The following AGBL4 variants were observed in gnomAD, a reference collection of about 807,000 sequenced individuals.
The protein encoded by AGBL4 is cytosolic carboxypeptidase 6.
Under a neutral mutation model 66.4 loss-of-function variants are expected in AGBL4, and 58 were observed. The observed-to-expected ratio is 0.87, with a 90% confidence interval of 0.71 to 1.09. AGBL4 has a LOEUF of 1.09. AGBL4 is among the 50% of genes least tolerant of loss of function. The probability of loss-of-function intolerance (pLI) is 0.00; values close to 1 mark genes in which losing one functional copy is unlikely to be tolerated. For missense variants in AGBL4, 579 were observed against 631.0 expected, an observed-to-expected ratio of 0.92 and a Z score of 0.88; for synonymous variants, 234 against 222.9, an observed-to-expected ratio of 1.05 and a Z score of -0.44.
chr1:49,934,469 C>A (rs1653715339), intron 1 of AGBL4, among the ~76,000 whole-genome samples: 1 of 152,084 alleles, frequency 6.6e-6, no homozygotes, highest in Non-Finnish European at 1.5e-5. Flanking sequence ...CTATATACCA[C>A]AACTGGTATA....
intron 4 of AGBL4, among the ~76,000 whole-genome samples, chr1:49,157,693 A>G (rs935109001): frequency 6.6e-6 from 1 of 152,210 alleles, no homozygotes; most frequent in Non-Finnish European, 1.5e-5. Flanking sequence ...TTAAATTCCC[A>G]CCAACAGTGT....
chr1:48,733,883 C>T (rs1648570686), intron 6 of AGBL4, among the ~76,000 whole-genome samples: 1 of 152,150 alleles, frequency 6.6e-6, no homozygotes, highest in African/African-American at 2.4e-5. Flanking sequence ...AATGAGGCCA[C>T]AGAGATGAAT....
chr1:49,960,858 T>C (rs1291576889), intron 1 of AGBL4, among the ~76,000 whole-genome samples: 1 of 152,096 alleles, frequency 6.6e-6, no homozygotes, highest in Non-Finnish European at 1.5e-5. Flanking sequence ...TGTGTTGCAG[T>C]ACAGAAATCT....
At chr1:49,578,331 C>G (rs1171834813) in intron 3 of AGBL4, among the ~76,000 whole-genome samples, 1 of 152,168 alleles carries the variant, frequency 6.6e-6, no homozygotes, top group Non-Finnish European at 1.5e-5. Flanking sequence ...CAATGGCAAA[C>G]TACAACAGCC....
intron 5 of AGBL4, among the ~76,000 whole-genome samples, chr1:48,970,446 T>C (rs573930160): frequency 2.6e-5 from 4 of 152,312 alleles, no homozygotes; most frequent in African/African-American, 7.2e-5. Flanking sequence ...ATGCATTTAC[T>C]GCAAATTAGT....
At chr1:48,594,516 T>A (rs1466582872) in intron 9 of AGBL4, among the ~76,000 whole-genome samples, 2 of 152,216 alleles carry the variant, frequency 1.3e-5, no homozygotes, top group Non-Finnish European at 2.9e-5. Flanking sequence ...TTGTCATTTG[T>A]CTTTCTATTT....
At chr1:49,033,299 G>A (rs1002796071) in intron 5 of AGBL4, among the ~76,000 whole-genome samples, 3 of 152,040 alleles carry the variant, frequency 2.0e-5, no homozygotes, top group African/African-American at 4.8e-5. Context: ...GGGAGCCCAC[G>A]GAACTCTACT....
chr1:48,567,084 G>C (rs1644489354), intron 11 of AGBL4, among the ~76,000 whole-genome samples: 1 of 152,160 alleles, frequency 6.6e-6, no homozygotes, highest in Non-Finnish European at 1.5e-5. Flanking sequence ...GCCACTTACT[G>C]TCTGTTTACC....
chr1:48,572,690 G>C (rs143428184), intron 11 of AGBL4, among the ~76,000 whole-genome samples: 4 of 152,204 alleles, frequency 2.6e-5, no homozygotes, highest in Middle Eastern at 3.4e-3. Context: ...AGAACTGAAG[G>C]GGGGGTGCGT....
At chr1:49,552,710 C>T (rs947905744) in intron 3 of AGBL4, among the ~76,000 whole-genome samples, 1 of 152,174 alleles carries the variant, frequency 6.6e-6, no homozygotes, top group Non-Finnish European at 1.5e-5. Flanking sequence ...TGTGAATCCT[C>T]TTGGGATTGC....
intron 3 of AGBL4, among the ~76,000 whole-genome samples, chr1:49,354,028 T>A (rs913222939): frequency 2.0e-5 from 3 of 152,206 alleles, no homozygotes; most frequent in Non-Finnish European, 2.9e-5. Context: ...GGGCAGGGTG[T>A]AAAAGGCTGT....
At chr1:49,926,361 C>T (rs775674454) in intron 1 of AGBL4, among the ~76,000 whole-genome samples, 13 of 152,026 alleles carry the variant, frequency 8.6e-5, no homozygotes, top group Non-Finnish European at 1.3e-4. Context: ...CTGCAGTGAC[C>T]GAAAACTTAG....
At chr1:48,696,104 G>A (rs1646710214) in intron 6 of AGBL4, among the ~76,000 whole-genome samples, 1 of 152,130 alleles carries the variant, frequency 6.6e-6, no homozygotes. Flanking sequence ...TCTGTCCCAG[G>A]ACAGCTGGGA....
rs570352863 is a variant in AGBL4, at chr1:48,620,091, G to T, written c.951+14402C>A. Among the ~76,000 whole-genome samples, 4 of 152,128 alleles carry T rather than the reference G, an allele frequency of 2.6e-5. No homozygotes were observed. In the South Asian group the frequency reaches 8.3e-4, roughly 31 times the overall value. On this transcript the variant is annotated intron_variant, in intron 9 of 13. Transcript: ENST00000371839. The stretch of plus-strand genomic sequence containing the variant: ...CCGTAAAATCCACTCGGAATGAATT[G>T]AAACCGACAAATGCAGGAAACCCTA...
At chr1:48,675,556 T>C (rs1646351640) in intron 6 of AGBL4, among the ~76,000 whole-genome samples, 1 of 152,232 alleles carries the variant, frequency 6.6e-6, no homozygotes, top group African/African-American at 2.4e-5. Context: ...TCCTCAATAA[T>C]GGATTTTAAA....
At chr1:50,004,667 G>T (rs1661001657) in intron 1 of AGBL4, among the ~76,000 whole-genome samples, 2 of 152,150 alleles carry the variant, frequency 1.3e-5, no homozygotes, top group East Asian at 1.9e-4. Context: ...TGTACCCTGG[G>T]CAAGAAGGGA....
intron 4 of AGBL4, among the ~76,000 whole-genome samples, chr1:49,224,741 G>A (rs535777913): frequency 4.7e-4 from 72 of 152,088 alleles, no homozygotes; most frequent in African/African-American, 1.7e-3. Context: ...GCCTTGTACT[G>A]GACACCAAAG....
chr1:48,673,483 T>A (rs902497421), intron 6 of AGBL4, among the ~76,000 whole-genome samples: 2 of 152,220 alleles, frequency 1.3e-5, no homozygotes, highest in Non-Finnish European at 2.9e-5. Flanking sequence ...CCACTTTCAA[T>A]CTCAAATCCC....
At chr1:49,534,305 A>T (rs191446997) in intron 3 of AGBL4, among the ~76,000 whole-genome samples, 2 of 151,982 alleles carry the variant, frequency 1.3e-5, no homozygotes, top group Non-Finnish European at 2.9e-5. Flanking sequence ...TAAATTAGTT[A>T]GTCAAAAAAG....
Sources: allele counts gnomAD v4.1 joint callset (sites outside exome capture counted in the v4.1 genomes callset), GRCh38; gene constraint gnomAD v4.1.1; transcripts MANE v1.5; gene names NCBI Gene and HGNC (gene_info 2026-07-23, HGNC 2026-07-21).